Variants in DOCK1 observed in about 807,000 individuals in gnomAD.
DOCK1 encodes dedicator of cytokinesis protein 1.
Under a neutral mutation model 262.7 loss-of-function variants are expected in DOCK1, and 138 were observed. The observed-to-expected ratio is 0.53, with a 90% CI of 0.46 to 0.61. The LOEUF (loss-of-function observed/expected upper bound fraction) is 0.61. Among genes scored for constraint, DOCK1 ranks in the 20% least tolerant of loss-of-function variants. The pLI is 0.00. For synonymous variants in DOCK1, 866 were observed against 867.4 expected (o/e 1.00, Z 0.03); for missense variants, 1,908 against 2,370.7 (o/e 0.80, Z 4.05).
rs187719403 is a variant in DOCK1, at chr10:127,068,646, G to T, written c.2445+6870G>T. On this transcript the variant is annotated intron_variant, in intron 23 of 51. Coordinates refer to ENST00000623213, the MANE Select transcript of DOCK1 (RefSeq NM_001290223.2). ...ATCATTTATCACCCTACCTTCCAGA[G>T]ATTACACTGTTAGCATTTTTGTTTT... is the stretch of plus-strand genomic sequence containing the variant. 1.1e-3 allele frequency among the ~76,000 whole-genome samples: 167 copies of T among 152,246 alleles called. 1 individual carries two copies. Among genetic ancestry groups the T allele is most frequent in the African/African-American group, 3.7e-3 (155 of 41,544 alleles).
chr10:126,933,352 T>C (rs1182971653), intron 1 of DOCK1, among the ~76,000 whole-genome samples: 1 of 152,164 alleles, frequency 6.6e-6, no homozygotes, highest in Non-Finnish European at 1.5e-5. Flanking sequence ...AATGATACTG[T>C]CTGTCCTTAA....
At chr10:127,070,981 C>T (rs548845977) in intron 23 of DOCK1, among the ~76,000 whole-genome samples, 3 of 152,118 alleles carry the variant, frequency 2.0e-5, no homozygotes, top group Non-Finnish European at 2.9e-5. Context: ...TTCAGGCTGC[C>T]TGCCCTCAGC....
intron 1 of DOCK1, among the ~76,000 whole-genome samples, chr10:126,941,425 C>T (rs1263907646): frequency 3.9e-5 from 6 of 152,132 alleles, no homozygotes; most frequent in Admixed American, 6.5e-5. Flanking sequence ...AAAGTAAAAC[C>T]AATCCAACAA....
intron 27 of DOCK1, among the ~76,000 whole-genome samples, chr10:127,192,148 C>G (rs1276749072): frequency 6.6e-6 from 1 of 152,124 alleles, no homozygotes; most frequent in Non-Finnish European, 1.5e-5. Flanking sequence ...AGACTCTCTT[C>G]TTTTCTTTTT....
chr10:127,328,531 G>C (rs1290050089), intron 29 of DOCK1, among the ~76,000 whole-genome samples: 1 of 152,226 alleles, frequency 6.6e-6, no homozygotes, highest in Non-Finnish European at 1.5e-5. Flanking sequence ...TGTCCTGGGT[G>C]GTGTTTGGTG....
intron 27 of DOCK1, among the ~76,000 whole-genome samples, chr10:127,239,419 T>A (rs2059185053): frequency 6.6e-6 from 1 of 152,174 alleles, no homozygotes; most frequent in Admixed American, 6.5e-5. Flanking sequence ...TTAAGTATCA[T>A]CATAAACATT....
intron 23 of DOCK1, among the ~76,000 whole-genome samples, chr10:127,067,872 T>G (rs2045969267): frequency 6.6e-6 from 1 of 152,014 alleles, no homozygotes; most frequent in Non-Finnish European, 1.5e-5. Flanking sequence ...CAGGCAACTT[T>G]CCTGACCAGC....
intron 7 of DOCK1, chr10:126,997,751 A>G (rs1048162371): frequency 3.7e-6 from 1 of 272,200 alleles, no homozygotes. Flanking sequence ...ACATAATGAT[A>G]CATGAGACAG....
At position 127,008,740 on chromosome 10, in the gene DOCK1, G is replaced by A. The variant is rs1289100385; in HGVS notation, c.994G>A (p.Val332Ile). 3.8e-6 allele frequency: 6 copies of A among 1,592,466 alleles called. No homozygotes were observed. The part of the protein sequence containing the change: ...RRPFGVAVMD[V>I]TDIINGKVDD... ...TCTCTTTTTGTCTCCAGTGATGGAT[G>A]TAACAGATATAATAAATGGAAAAGT... The change falls in exon 11 of 52, where the codon GTA (valine) becomes ATA (isoleucine). Residue 332 changes from valine (V) to isoleucine (I), a missense_variant. By Grantham distance (29) the Val-to-Ile change is conservative (BLOSUM62 3). Coordinates refer to ENST00000623213, the MANE Select transcript of DOCK1 (RefSeq NM_001290223.2).
At chr10:127,036,981 G>GAAAA (rs11429952) in intron 18 of DOCK1, among the ~76,000 whole-genome samples, 4 of 128,030 alleles carry the variant, frequency 3.1e-5, no homozygotes, top group Non-Finnish European at 4.8e-5. Context: ...CCATCTCAAG[G>GAAAA]AAAAAAAAAA....
At chr10:127,213,070 A>G (rs1308798440) in intron 27 of DOCK1, among the ~76,000 whole-genome samples, 1 of 152,214 alleles carries the variant, frequency 6.6e-6, no homozygotes, top group East Asian at 1.9e-4. Context: ...TAATGTCGAC[A>G]GCTTGCTGTA....
At chr10:127,261,486 C>A (rs1186216305) in intron 29 of DOCK1, among the ~76,000 whole-genome samples, 2 of 125,622 alleles carry the variant, frequency 1.6e-5, no homozygotes, top group African/African-American at 6.4e-5. Flanking sequence ...TACCCGTGCT[C>A]ATCTGTGTGT....
chr10:127,229,179 G>C (rs992670540), intron 27 of DOCK1, among the ~76,000 whole-genome samples: 1 of 152,132 alleles, frequency 6.6e-6, no homozygotes, highest in East Asian at 1.9e-4. Context: ...AGCCGAGATC[G>C]CATCACTGCA....
intron 38 of DOCK1, among the ~76,000 whole-genome samples, chr10:127,387,031 T>TGGGCA (rs10550787): frequency 6.6e-6 from 1 of 151,504 alleles, no homozygotes; most frequent in Admixed American, 6.6e-5. Context: ...TGCTACAGAA[T>TGGGCA]GGGCAGGGCA....
chr10:126,951,970 C>A (rs2036291019), intron 1 of DOCK1, among the ~76,000 whole-genome samples: 1 of 151,682 alleles, frequency 6.6e-6, no homozygotes, highest in South Asian at 2.1e-4. Flanking sequence ...CTGCCTCGGA[C>A]TCCTGAGTAG....
chr10:127,189,898 GATCA>G (rs2056589578), intron 27 of DOCK1, among the ~76,000 whole-genome samples: 1 of 151,092 alleles, frequency 6.6e-6, no homozygotes, highest in Non-Finnish European at 1.5e-5. Flanking sequence ...CTGGCACAGA[GATCA>G]ATGGAGTTGA....
At chr10:126,989,163 A>C (rs982044057) in intron 5 of DOCK1, among the ~76,000 whole-genome samples, 3 of 152,074 alleles carry the variant, frequency 2.0e-5, no homozygotes, top group Non-Finnish European at 4.4e-5. Context: ...GCCTTAGAGC[A>C]GTGGACAAGA....
intron 10 of DOCK1, chr10:127,000,617 G>C (rs1299073727): frequency 3.4e-6 from 1 of 294,400 alleles, no homozygotes. Context: ...GAGGTTTTCA[G>C]GTCTTGGTGA....
intron 37 of DOCK1, 27 bp downstream of exon 37, chr10:127,381,395 T>C (rs1300189855): frequency 1.4e-5 from 22 of 1,581,080 alleles, no homozygotes; most frequent in Non-Finnish European, 1.8e-5. Context: ...GTCACCTTGA[T>C]GATTCTATTG....
Sources: allele counts gnomAD v4.1 joint callset (sites outside exome capture counted in the v4.1 genomes callset), GRCh38; gene constraint gnomAD v4.1.1; transcripts MANE v1.5; gene names NCBI Gene and HGNC (gene_info 2026-07-23, HGNC 2026-07-21).